ZNF678: variants seen among roughly 807,000 people sequenced by gnomAD.
ZNF678 encodes zinc finger protein 678.
ZNF678 carries 5 observed loss-of-function variants against 3.0 expected under a neutral mutation model. The observed-to-expected ratio is 1.69, with a 90% confidence interval of 0.88 to 3.56. ZNF678 has a LOEUF of 3.56. ZNF678 is among the 30% of genes most tolerant of loss of function. ZNF678 has a pLI of 0.00. For synonymous variants in ZNF678, 218 were observed against 199.6 expected (o/e 1.09, Z -0.78); for missense variants, 593 against 605.0 (o/e 0.98, Z 0.21).
rs1659343702 is a variant in ZNF678 at position 227,659,538 on chromosome 1, C to T, written c.*3710C>T. ...AACTTAAAGTGAAAGCCATAGAGTC[C>T]TTTGGTGACTCCCATGTTCTGTGCT... On this transcript the variant is annotated 3_prime_UTR_variant, in exon 4 of 4. Coordinates refer to ENST00000343776, the MANE Select transcript of ZNF678 (RefSeq NM_001367909.1). The T allele has an allele frequency of 6.6e-6, 1 of 152,098 alleles. No individual in the cohort carries two copies. The allele number at this position is 152,098 out of a possible 1,614,324, so 9.4% of individuals were successfully genotyped here.
rs1296995575 is a variant in ZNF678, at chr1:227,638,875, G to A, written c.-163-7669G>A. Among the ~76,000 whole-genome samples, 2 of 152,064 alleles carry A rather than the reference G, an allele frequency of 1.3e-5. No individual in the cohort carries two copies. Among genetic ancestry groups the A allele is most frequent in the African/African-American group, 4.8e-5 (2 of 41,376 alleles). On this transcript the variant is annotated intron_variant, in intron 1 of 3. Transcript: ENST00000343776. This position sits in a 1 kb window ranked among gnomAD's most constrained non-coding sequence, Gnocchi z 4.2. ...CAACAGAGACTTGGGAGGACTGGGTGGGTCCTGAAAAATTAGGTAAAGCAG... is the reference window on the plus strand; with the variant it reads ...CAACAGAGACTTGGGAGGACTGGGTAGGTCCTGAAAAATTAGGTAAAGCAG...
intron 5 of ZNF678, among the ~76,000 whole-genome samples, chr1:227,671,894 A>G (rs141338093): frequency 2.6e-5 from 4 of 152,258 alleles, no homozygotes; most frequent in East Asian, 1.9e-4. Context: ...TTTAAAATGT[A>G]AAAAAATAGG....
At chr1:227,671,074 CTT>C (rs200510182) in intron 5 of ZNF678, among the ~76,000 whole-genome samples, 2,402 of 120,530 alleles carry the variant, frequency 0.02, 49 homozygotes, top group South Asian at 0.062. Flanking sequence ...AGTGGATCAC[CTT>C]TTTTTTTTTT....
rs1659430755 is a variant in ZNF678, at chr1:227,662,385, G to A, written c.*6557G>A. 1.3e-5 allele frequency: 2 copies of A among 152,142 alleles called. No homozygotes were observed. Among genetic ancestry groups the A allele is most frequent in the Admixed American group, 1.3e-4 (2 of 15,272 alleles). 9.4% of individuals were successfully genotyped at this position (152,142 alleles called of 1,614,324 possible). A position where few individuals can be genotyped will look rare whatever the true frequency, so the allele number is the denominator to read the frequency against. ...TGTCATGTGGAAGAAAAGAGCCTTGGAGAAGTTTTATTTTTTTCTGTTTGG... is the reference window on the plus strand; with the variant it reads ...TGTCATGTGGAAGAAAAGAGCCTTGAAGAAGTTTTATTTTTTTCTGTTTGG... On this transcript the variant is annotated 3_prime_UTR_variant, in exon 4 of 4. Transcript: ENST00000343776.
intron 1 of ZNF678, among the ~76,000 whole-genome samples, chr1:227,625,307 T>C (rs969316596): frequency 1.3e-5 from 2 of 152,082 alleles, no homozygotes; most frequent in Non-Finnish European, 2.9e-5. Context: ...ACCGAAGTGC[T>C]GTTGGGGAGG....
intron 1 of ZNF678, among the ~76,000 whole-genome samples, chr1:227,589,627 T>C (rs990041327): frequency 6.6e-6 from 1 of 151,644 alleles, no homozygotes; most frequent in Non-Finnish European, 1.5e-5. Flanking sequence ...GTGAGAGGGC[T>C]GTGATCAATT....
At chr1:227,619,485 T>C (rs1342327171) in intron 1 of ZNF678, among the ~76,000 whole-genome samples, 2 of 150,258 alleles carry the variant, frequency 1.3e-5, no homozygotes, top group Non-Finnish European at 1.5e-5. Flanking sequence ...GGTTGTGTCA[T>C]AGTTAACCCT....
At chr1:227,586,842 A>G (rs1571866881) in intron 1 of ZNF678, among the ~76,000 whole-genome samples, 1 of 152,170 alleles carries the variant, frequency 6.6e-6, no homozygotes, top group Non-Finnish European at 1.5e-5. Flanking sequence ...TCCCTCATCA[A>G]GGTGGTGATC....
At chr1:227,635,085 C>CAAAAAAAA in intron 1 of ZNF678, among the ~76,000 whole-genome samples, 1 of 145,536 alleles carries the variant, frequency 6.9e-6, no homozygotes. Flanking sequence ...GCCTGGTAAT[C>CAAAAAAAA]AAAAAAAAAA....
Position 227,660,435 on chromosome 1 carries a change from A to G in ZNF678, c.*4607A>G, listed in dbSNP as rs1170727911. ...CTCAGTTTTCTTTAGCTTTTAATGT[A>G]GAGATCTTTAACATTTTTGAATAAT... On this transcript the variant is annotated 3_prime_UTR_variant, in exon 4 of 4. Transcript: ENST00000343776. 6.6e-6 allele frequency: 1 copy of G among 152,014 alleles called. No individual in the cohort carries two copies. Among genetic ancestry groups the G allele is most frequent in the African/African-American group, 2.4e-5 (1 of 41,426 alleles). The allele number at this position is 152,014 out of a possible 1,614,324, so 9.4% of individuals were successfully genotyped here. A position where few individuals can be genotyped will look rare whatever the true frequency, so the allele number is the denominator to read the frequency against.
chr1:227,654,115 AC>A (rs1452072545), intron 3 of ZNF678, among the ~76,000 whole-genome samples: 1 of 152,052 alleles, frequency 6.6e-6, no homozygotes, highest in Non-Finnish European at 1.5e-5. Context: ...AATTGTGCTC[AC>A]CTAGGGTGTT....
At chr1:227,583,136 G>C (rs563546354) in intron 1 of ZNF678, among the ~76,000 whole-genome samples, 1 of 151,656 alleles carries the variant, frequency 6.6e-6, no homozygotes, top group Non-Finnish European at 1.5e-5. Flanking sequence ...TAATAGATCC[G>C]TTGGGTCTAT....
At chr1:227,648,184 C>A (rs1329894040) in intron 2 of ZNF678, among the ~76,000 whole-genome samples, 1 of 152,072 alleles carries the variant, frequency 6.6e-6, no homozygotes, top group Non-Finnish European at 1.5e-5. Flanking sequence ...AAAAAAAATA[C>A]TATTTTATTA....
downstream of ZNF678, among the ~76,000 whole-genome samples, chr1:227,662,716 T>C (rs1659436589): frequency 6.6e-6 from 1 of 152,200 alleles, no homozygotes; most frequent in Admixed American, 6.5e-5. Context: ...AGTCTTAACA[T>C]TCAAGGGAGG....
Position 227,566,127 on chromosome 1 carries a change from TG to T in ZNF678, c.-164+2405del, listed in dbSNP as rs1316936825. The stretch of plus-strand genomic sequence containing the variant: ...TGGGAATGGCCCAAGATGCCCACAG[TG>T]GCTATGTCTCTTGGAGTATCTAGTG... On this transcript the variant is annotated intron_variant, in intron 1 of 3. Transcript: ENST00000343776. 2.0e-5 allele frequency among the ~76,000 whole-genome samples: 3 copies of T among 152,354 alleles called. No individual in the cohort carries two copies. The South Asian group carries it at 6.2e-4, about 32-fold the overall frequency.
At chr1:227,566,586 C>T (rs1656690926) in intron 1 of ZNF678, among the ~76,000 whole-genome samples, 1 of 152,178 alleles carries the variant, frequency 6.6e-6, no homozygotes, top group Non-Finnish European at 1.5e-5. Context: ...CCTGACTTGA[C>T]GCTTGAGTCG....
Position 227,657,510 on chromosome 1 carries a change from T to C in ZNF678, c.*1682T>C, listed in dbSNP as rs1659281092. Reference sequence around the variant, plus strand: ...TAATCTTCAGTATAACCATTATAATTGCCCACTATAAAGGAGTATAATGAA... The same window carrying C: ...TAATCTTCAGTATAACCATTATAATCGCCCACTATAAAGGAGTATAATGAA... On this transcript the variant is annotated 3_prime_UTR_variant, in exon 4 of 4. Transcript: ENST00000343776. 6.6e-6 allele frequency: 1 copy of C among 151,978 alleles called. No homozygotes were observed. The highest frequency in any genetic ancestry group is 1.5e-5 in the Non-Finnish European group (1 of 67,900). 9.4% of individuals were successfully genotyped at this position (151,978 alleles called of 1,614,324 possible).
rs1418675863 is a variant in ZNF678, at chr1:227,659,065, T to G, written c.*3237T>G. ...ACAATTTATGTGTACATGTAGAATC[T>G]TTTAGTTTTTAGTGTTTATGTAATA... On this transcript the variant is annotated 3_prime_UTR_variant, in exon 4 of 4. Transcript: ENST00000343776. 1 of 152,072 alleles carries G rather than the reference T, an allele frequency of 6.6e-6. No individual in the cohort carries two copies. The highest frequency in any genetic ancestry group is 6.6e-5 in the Admixed American group (1 of 15,250). The allele number at this position is 152,072 out of a possible 1,614,324, so 9.4% of individuals were successfully genotyped here.
intron 1 of ZNF678, among the ~76,000 whole-genome samples, chr1:227,591,717 G>A (rs1462611586): frequency 6.6e-6 from 1 of 152,150 alleles, no homozygotes; most frequent in Admixed American, 6.5e-5. Context: ...TAAATACCTT[G>A]TATAGAATAA....
Sources: allele counts gnomAD v4.1 joint callset (sites outside exome capture counted in the v4.1 genomes callset), GRCh38; gene constraint gnomAD v4.1.1; non-coding constraint Gnocchi (gnomAD v3.1); transcripts MANE v1.5; gene names NCBI Gene and HGNC (gene_info 2026-07-23, HGNC 2026-07-21).